The following RNLS variants were observed in gnomAD, a reference collection of about 807,000 sequenced individuals.
The protein encoded by RNLS is renalase.
A neutral mutation model predicts 39.8 loss-of-function variants in RNLS; 39 were observed. The observed-to-expected ratio is 0.98, with a 90% CI of 0.76 to 1.28. The LOEUF (loss-of-function observed/expected upper bound fraction) is 1.28. Among genes scored for constraint, RNLS ranks in the 50% most tolerant of loss-of-function variants. The pLI is 0.00. For missense variants in RNLS, 410 were observed against 413.3 expected (o/e 0.99, Z 0.07); for synonymous variants, 147 against 150.7 (o/e 0.98, Z 0.18).
intron 4 of RNLS, among the ~76,000 whole-genome samples, chr10:88,440,081 T>G (rs1173594536): frequency 6.6e-6 from 1 of 152,216 alleles, no homozygotes. Flanking sequence ...TCAATCTTAT[T>G]TTCTTTATAG....
chr10:88,542,767 GATTACA>G (rs1269909099), intron 4 of RNLS, among the ~76,000 whole-genome samples: 2 of 152,104 alleles, frequency 1.3e-5, no homozygotes, highest in Non-Finnish European at 2.9e-5. Context: ...AAGCATATTT[GATTACA>G]AAGGGCCCCT....
At chr10:88,411,081 C>A (rs1321033967) in intron 4 of RNLS, among the ~76,000 whole-genome samples, 1 of 152,110 alleles carries the variant, frequency 6.6e-6, no homozygotes, top group South Asian at 2.1e-4. Context: ...TTTCCTGTAA[C>A]GGCCTTTGCT....
At position 88,457,492 on chromosome 10, in the gene RNLS, G is replaced by A. The variant is rs1006146191; in HGVS notation, c.527-94767C>T. On this transcript the variant is annotated intron_variant, in intron 4 of 6. Coordinates refer to ENST00000331772, the MANE Select transcript of RNLS (RefSeq NM_001031709.3). ...TCAACTGCATAATAAACTCAATACA[G>A]CCTGCTGTAGTCCTACATTCATGGT... Among the ~76,000 whole-genome samples the A allele has an allele frequency of 3.3e-5, 5 of 152,172 alleles. No individual in the cohort carries two copies. The East Asian group carries it at 7.7e-4, about 23-fold the overall frequency.
In RNLS at chr10:88,285,080, G is replaced by C; in HGVS notation, c.*274C>G. 1.1e-6 allele frequency: 1 copy of C among 929,346 alleles called. No homozygotes were observed. Among genetic ancestry groups the C allele is most frequent in the Non-Finnish European group, 1.3e-6 (1 of 775,352 alleles). 57.6% of individuals were successfully genotyped at this position (929,346 alleles called of 1,614,324 possible). A position where few individuals can be genotyped will look rare whatever the true frequency, so the allele number is the denominator to read the frequency against. ...TGTAATTTTTTTGAGAGAGTCGTTT[G>C]TTATTTTTTAAGTACCACTTTTCCT... On this transcript the variant is annotated 3_prime_UTR_variant, in exon 7 of 7. Coordinates refer to ENST00000331772, the MANE Select transcript of RNLS (RefSeq NM_001031709.3).
chr10:88,494,239 C>G (rs1035670793), intron 4 of RNLS, among the ~76,000 whole-genome samples: 1 of 152,096 alleles, frequency 6.6e-6, no homozygotes, highest in Non-Finnish European at 1.5e-5. Flanking sequence ...ATGTTACATA[C>G]TGTTTGTAAA....
rs1014276820 is a variant in RNLS at position 88,501,448 on chromosome 10, G to A, written c.526+71455C>T. On this transcript the variant is annotated intron_variant, in intron 4 of 6. Coordinates refer to ENST00000331772, the MANE Select transcript of RNLS (RefSeq NM_001031709.3). ...AGTATACAATCTTATTCACAAAATCGATTTTACTTGAACAATGAGGTGGCC... is the reference window on the plus strand; with the variant it reads ...AGTATACAATCTTATTCACAAAATCAATTTTACTTGAACAATGAGGTGGCC... 2.6e-5 allele frequency among the ~76,000 whole-genome samples: 4 copies of A among 152,024 alleles called. No individual in the cohort carries two copies. The South Asian group carries it at 6.2e-4, about 24-fold the overall frequency.
At chr10:88,254,631 C>T in the RNLS span, among the ~76,000 whole-genome samples, 4 of 152,140 alleles carry the variant, frequency 2.6e-5, no homozygotes, top group African/African-American at 9.7e-5. Context: ...CACTTGCAAG[C>T]AAGAGTCCAA....
At chr10:88,296,665 A>G (rs937775952) in intron 6 of RNLS, among the ~76,000 whole-genome samples, 1 of 152,222 alleles carries the variant, frequency 6.6e-6, no homozygotes, top group Non-Finnish European at 1.5e-5. Context: ...AGGTGGTTTT[A>G]AAAGTCAGCT....
At chr10:88,251,230 A>G in the RNLS span, among the ~76,000 whole-genome samples, 1 of 152,366 alleles carries the variant, frequency 6.6e-6, no homozygotes, top group East Asian at 1.9e-4. Context: ...AGAGCACTGC[A>G]CTAGAAGTCC....
chr10:88,306,792 T>G (rs1353739882), intron 6 of RNLS, among the ~76,000 whole-genome samples: 1 of 152,096 alleles, frequency 6.6e-6, no homozygotes, highest in Non-Finnish European at 1.5e-5. Flanking sequence ...TTCCAAAAAT[T>G]TGAGGAGAAG....
the RNLS span, among the ~76,000 whole-genome samples, chr10:88,172,854 T>TTG: frequency 1.6e-5 from 1 of 60,752 alleles, no homozygotes; most frequent in Non-Finnish European, 3.6e-5. Flanking sequence ...TTTTTTTTTT[T>TTG]TTTTTTTTTT....
chr10:88,284,536 G>C lies in RNLS; in HGVS notation c.*818C>G. On this transcript the variant is annotated 3_prime_UTR_variant, in exon 7 of 7. Coordinates refer to ENST00000331772, the MANE Select transcript of RNLS (RefSeq NM_001031709.3). ...TCTGGTTCAGTAAATTTTTTGTTGT[G>C]TTAAATTCATTAAACTCGACACAGT... 1.0e-6 allele frequency: 1 copy of C among 985,224 alleles called. No homozygotes were observed. The highest frequency in any genetic ancestry group is 1.2e-6 in the Non-Finnish European group (1 of 829,874). 61.0% of individuals were successfully genotyped at this position (985,224 alleles called of 1,614,324 possible). A position where few individuals can be genotyped will look rare whatever the true frequency, so the allele number is the denominator to read the frequency against.
chr10:88,527,513 G>GAT (rs1847175828), intron 4 of RNLS, among the ~76,000 whole-genome samples: 1 of 152,140 alleles, frequency 6.6e-6, no homozygotes, highest in Admixed American at 6.6e-5. Flanking sequence ...GGCACCAACT[G>GAT]ATAAACAACT....
chr10:88,362,495 T>TC, intron 5 of RNLS, 57 bp downstream of exon 5: 1 of 1,476,912 alleles, frequency 6.8e-7, no homozygotes, highest in Non-Finnish European at 9.2e-7. Context: ...ACAGCATTTT[T>TC]CATGATCTAC....
At chr10:88,381,133 G>A (rs74149712) in intron 4 of RNLS, among the ~76,000 whole-genome samples, 16,077 of 152,072 alleles carry the variant, frequency 0.11, 1,060 homozygotes, top group East Asian at 0.37. Flanking sequence ...TAAGAATTTC[G>A]TCTTTCAGAT....
At chr10:88,294,457 T>A (rs886314328) in intron 6 of RNLS, among the ~76,000 whole-genome samples, 12 of 152,120 alleles carry the variant, frequency 7.9e-5, no homozygotes, top group African/African-American at 1.9e-4. Context: ...GTTTTTTTTT[T>A]AAATTTATAC....
intron 4 of RNLS, among the ~76,000 whole-genome samples, chr10:88,528,531 C>A (rs897652156): frequency 6.6e-6 from 1 of 152,036 alleles, no homozygotes; most frequent in Non-Finnish European, 1.5e-5. Context: ...TAGAGATAAA[C>A]TAGTCCTGAG....
At chr10:88,267,566 C>G in the RNLS span, among the ~76,000 whole-genome samples, 3 of 152,162 alleles carry the variant, frequency 2.0e-5, no homozygotes, top group East Asian at 5.8e-4. Context: ...CAGAGTGAGA[C>G]CCTGTCTCTA....
chr10:88,232,299 A>ACCCCTT, the RNLS span, among the ~76,000 whole-genome samples: 1 of 152,168 alleles, frequency 6.6e-6, no homozygotes, highest in Non-Finnish European at 1.5e-5. Context: ...AGGGAAGGGG[A>ACCCCTT]CCAGAACAAT....
Sources: allele counts gnomAD v4.1 joint callset (sites outside exome capture counted in the v4.1 genomes callset), GRCh38; gene constraint gnomAD v4.1.1; transcripts MANE v1.5; gene names NCBI Gene and HGNC (gene_info 2026-07-23, HGNC 2026-07-21).